Variants in ASB4 observed in about 807,000 individuals in gnomAD.
ASB4 encodes ankyrin repeat and SOCS box containing 4, also known as ankyrin repeat and SOCS box protein 4.
A neutral mutation model predicts 38.6 loss-of-function variants in ASB4; 35 were observed. The ratio of observed to expected loss-of-function variants is 0.91; its 90% confidence interval spans 0.69 to 1.20. The LOEUF is 1.20. Ranked by LOEUF, ASB4 falls within the 50% of genes most tolerant of loss-of-function variation. The pLI, the probability that ASB4 is intolerant of heterozygous loss-of-function variation, is 0.00. For missense variants in ASB4, 557 were observed against 527.2 expected (o/e 1.06, Z -0.55); for synonymous variants, 195 against 201.3 (o/e 0.97, Z 0.26).
At position 95,519,341 on chromosome 7, in the gene ASB4, C is replaced by G. The variant is rs1044113562; in HGVS notation, c.488-8472C>G. Among the ~76,000 whole-genome samples the G allele has an allele frequency of 2.4e-4, 36 of 152,144 alleles. 1 individual carries two copies. The highest frequency in any genetic ancestry group is 1.5e-5 in the Non-Finnish European group (1 of 68,024). On this transcript the variant is annotated intron_variant, in intron 2 of 4. Transcript: ENST00000325885. ...AAGCCCTGAATAGAATAAAAGGGAT[C>G]TAACCTTTGAATAATAGATGTTTCT...
intron 2 of ASB4, among the ~76,000 whole-genome samples, chr7:95,514,254 C>T (rs1211021676): frequency 8.5e-5 from 13 of 152,116 alleles, no homozygotes; most frequent in Non-Finnish European, 1.9e-4. Flanking sequence ...TCTGTCTCAC[C>T]GACACTATAA....
rs867853775 is a variant in ASB4, at chr7:95,534,490, T to C, written c.979-1947T>C. Among the ~76,000 whole-genome samples, 15 of 152,236 alleles carry C rather than the reference T, an allele frequency of 9.9e-5. No individual in the cohort carries two copies. The Middle Eastern group carries it at 0.01, about 104-fold the overall frequency. ...TTCTTTCTTCCTCCTATCTGATTAG[T>C]ATTAAGCCCTATACTTGTTTCTTCT... is the stretch of plus-strand genomic sequence containing the variant. On this transcript the variant is annotated intron_variant, in intron 3 of 4. Coordinates refer to ENST00000325885, the MANE Select transcript of ASB4 (RefSeq NM_016116.3).
chr7:95,511,451 G>A (rs924100280), intron 2 of ASB4, among the ~76,000 whole-genome samples: 4 of 152,042 alleles, frequency 2.6e-5, no homozygotes, highest in Non-Finnish European at 5.9e-5. Flanking sequence ...TGCACTTCTC[G>A]CAAGCATAGT....
intron 3 of ASB4, among the ~76,000 whole-genome samples, chr7:95,533,748 G>A (rs1562822731): frequency 6.6e-6 from 1 of 152,118 alleles, no homozygotes; most frequent in African/African-American, 2.4e-5. Flanking sequence ...TCTGAAATGG[G>A]GATGAATATA....
At chr7:95,498,211 C>T (rs993323547) in intron 2 of ASB4, among the ~76,000 whole-genome samples, 5 of 152,224 alleles carry the variant, frequency 3.3e-5, no homozygotes, top group African/African-American at 1.2e-4. Flanking sequence ...TGGCTCACAC[C>T]TATAATATCA....
In ASB4 at chr7:95,527,915, A is replaced by T; in HGVS notation, c.590A>T (p.His197Leu). ...LSELVAFYVEHGAIVDSVNAH... is the reference protein window; with the variant it reads ...LSELVAFYVELGAIVDSVNAH... ...GAGCTGGTGGCCTTCTACGTGGAAC[A>T]CGGGGCCATAGTGGACAGCGTGAAT... Residue 197 changes from histidine (H) to leucine (L), a missense_variant, in exon 3 of 5, where the codon CAC becomes CTC. Transcript: ENST00000325885. The T allele has an allele frequency of 6.2e-7, 1 of 1,614,146 alleles. No homozygotes were observed. The highest frequency in any genetic ancestry group is 8.5e-7 in the Non-Finnish European group (1 of 1,180,020).
At chr7:95,493,033 C>A (rs923667643) in intron 1 of ASB4, among the ~76,000 whole-genome samples, 1 of 152,118 alleles carries the variant, frequency 6.6e-6, no homozygotes, top group Non-Finnish European at 1.5e-5. Context: ...ACACACGAGG[C>A]GTGGAGTTGA....
At chr7:95,492,281 T>G (rs1790182766) in intron 1 of ASB4, among the ~76,000 whole-genome samples, 1 of 152,156 alleles carries the variant, frequency 6.6e-6, no homozygotes, top group African/African-American at 2.4e-5. Context: ...AGTCTTTAGG[T>G]GCTACCTGGA....
chr7:95,506,340 A>G (rs948136580), intron 2 of ASB4, among the ~76,000 whole-genome samples: 1 of 152,150 alleles, frequency 6.6e-6, no homozygotes, highest in Non-Finnish European at 1.5e-5. Flanking sequence ...AACCACTGTC[A>G]TCCTGGGATT....
At chr7:95,541,082 T>C (rs1355898550), downstream of ASB4, among the ~76,000 whole-genome samples, 1 of 152,236 alleles carries the variant, frequency 6.6e-6, no homozygotes, top group African/African-American at 2.4e-5. Flanking sequence ...TTCCTGTTAC[T>C]TTCTTTAGGA....
At chr7:95,498,129 G>A (rs1473648742) in intron 2 of ASB4, among the ~76,000 whole-genome samples, 1 of 152,124 alleles carries the variant, frequency 6.6e-6, no homozygotes, top group Non-Finnish European at 1.5e-5. Flanking sequence ...ATTTCTATCA[G>A]CAATGTATGA....
chr7:95,521,271 A>G (rs562196753), intron 2 of ASB4, among the ~76,000 whole-genome samples: 4 of 152,232 alleles, frequency 2.6e-5, no homozygotes, highest in South Asian at 2.1e-4. Flanking sequence ...GCCCAACCCA[A>G]TGAAAAATGG....
At chr7:95,525,321 T>G (rs1224751762) in intron 2 of ASB4, among the ~76,000 whole-genome samples, 2 of 152,248 alleles carry the variant, frequency 1.3e-5, no homozygotes, top group East Asian at 1.9e-4. Flanking sequence ...TCTTGGAAAC[T>G]AATACATTGT....
At chr7:95,541,940 G>T (rs868598283), downstream of ASB4, among the ~76,000 whole-genome samples, 35 of 152,256 alleles carry the variant, frequency 2.3e-4, no homozygotes, top group African/African-American at 7.5e-4. Flanking sequence ...GGTGGCACAT[G>T]CCTGTAGTCC....
At chr7:95,550,293 C>T in the ASB4 span, among the ~76,000 whole-genome samples, 1 of 152,102 alleles carries the variant, frequency 6.6e-6, no homozygotes, top group Non-Finnish European at 1.5e-5. Context: ...CTAAGCCAGG[C>T]CCTGCCCACA....
chr7:95,535,492 G>C (rs1790878501), intron 3 of ASB4, among the ~76,000 whole-genome samples: 2 of 152,318 alleles, frequency 1.3e-5, no homozygotes, highest in Admixed American at 1.3e-4. Flanking sequence ...ATTTAGAAGA[G>C]CAGATCTGTG....
chr7:95,533,737 C>T (rs1012369392), intron 3 of ASB4, among the ~76,000 whole-genome samples: 1 of 152,152 alleles, frequency 6.6e-6, no homozygotes, highest in Admixed American at 6.5e-5. Context: ...GGTCTTAAAT[C>T]TCTGAAATGG....
intron 1 of ASB4, among the ~76,000 whole-genome samples, chr7:95,489,086 A>G (rs766105787): frequency 6.6e-6 from 1 of 152,242 alleles, no homozygotes; most frequent in East Asian, 1.9e-4. Flanking sequence ...ATCCCTAAAT[A>G]TAGTCCATCT....
chr7:95,488,421 A>G (rs921064524), intron 1 of ASB4, among the ~76,000 whole-genome samples: 3 of 152,242 alleles, frequency 2.0e-5, no homozygotes, highest in Admixed American at 1.3e-4. Context: ...AAACTTAGGA[A>G]TGGAAAGTTA....
Sources: allele counts gnomAD v4.1 joint callset (sites outside exome capture counted in the v4.1 genomes callset), GRCh38; gene constraint gnomAD v4.1.1; transcripts MANE v1.5; gene names NCBI Gene and HGNC (gene_info 2026-07-23, HGNC 2026-07-21).